PDE4D: variants seen among roughly 807,000 people sequenced by gnomAD.
PDE4D encodes phosphodiesterase 4D.
PDE4D carries 24 observed loss-of-function variants against 87.4 expected under a neutral mutation model. That is an observed-to-expected ratio of 0.27 (90% CI 0.20 to 0.39). PDE4D has a LOEUF of 0.39. Among genes scored for constraint, PDE4D ranks in the 10% least tolerant of loss-of-function variants. The pLI, the probability that PDE4D is intolerant of heterozygous loss-of-function variation, is 1.00. For synonymous variants in PDE4D, 384 were observed against 383.2 expected (o/e 1.00, Z -0.02); for missense variants, 714 against 1,041.0 (o/e 0.69, Z 4.32).
intron 1 of PDE4D, among the ~76,000 whole-genome samples, chr5:60,287,229 G>A (rs1422262492): frequency 6.6e-6 from 1 of 152,180 alleles, no homozygotes; most frequent in Non-Finnish European, 1.5e-5. Context: ...GAAGAGAAAT[G>A]CCTGAATAAC....
chr5:59,401,213 G>A (rs1311143161), intron 1 of PDE4D, among the ~76,000 whole-genome samples: 1 of 152,198 alleles, frequency 6.6e-6, no homozygotes, highest in Non-Finnish European at 1.5e-5. Context: ...GGGTGGCCAA[G>A]GCAGGAGAAT....
intron 1 of PDE4D, among the ~76,000 whole-genome samples, chr5:59,240,211 A>G (rs72765934): frequency 1.2e-4 from 18 of 152,224 alleles, no homozygotes; most frequent in Non-Finnish European, 2.4e-4. Context: ...TTCTGTTATT[A>G]TTTTGACTCT....
At chr5:59,518,163 G>A (rs1282437870) in intron 1 of PDE4D, among the ~76,000 whole-genome samples, 1 of 150,384 alleles carries the variant, frequency 6.6e-6, no homozygotes, top group African/African-American at 2.5e-5. Context: ...CTACCAGATT[G>A]AATAAGTATA....
chr5:59,630,298 C>T (rs1027441982), intron 1 of PDE4D, among the ~76,000 whole-genome samples: 3 of 152,136 alleles, frequency 2.0e-5, no homozygotes, highest in Non-Finnish European at 4.4e-5. Flanking sequence ...CACTACCTTC[C>T]CTTGTATTTT....
intron 1 of PDE4D, among the ~76,000 whole-genome samples, chr5:59,571,500 C>T (rs1459757173): frequency 1.3e-5 from 2 of 152,154 alleles, no homozygotes; most frequent in Non-Finnish European, 1.5e-5. Flanking sequence ...GGGAAAGTGG[C>T]CACAATCTTC....
At chr5:59,066,762 G>A (rs1284482554) in intron 5 of PDE4D, among the ~76,000 whole-genome samples, 4 of 152,064 alleles carry the variant, frequency 2.6e-5, no homozygotes, top group African/African-American at 9.7e-5. Context: ...AGATAATTAG[G>A]TCATGAGAGC....
chr5:60,275,174 G>C (rs553811511), intron 1 of PDE4D, among the ~76,000 whole-genome samples: 1 of 152,218 alleles, frequency 6.6e-6, no homozygotes, highest in South Asian at 2.1e-4. Flanking sequence ...TCGCTGGATG[G>C]GACCCAGGCA....
At chr5:59,607,938 G>C (rs1265257356) in intron 1 of PDE4D, among the ~76,000 whole-genome samples, 1 of 152,096 alleles carries the variant, frequency 6.6e-6, no homozygotes, top group Non-Finnish European at 1.5e-5. Context: ...AGCAGGAGTA[G>C]GTAGGGAAGA....
At chr5:59,863,894 C>G (rs948860181) in intron 1 of PDE4D, among the ~76,000 whole-genome samples, 1 of 152,010 alleles carries the variant, frequency 6.6e-6, no homozygotes, top group Non-Finnish European at 1.5e-5. Flanking sequence ...TTGATGAAAT[C>G]CAAAAGAACT....
intron 5 of PDE4D, among the ~76,000 whole-genome samples, chr5:59,133,523 A>T (rs1776572426): frequency 6.6e-6 from 1 of 152,112 alleles, no homozygotes; most frequent in African/African-American, 2.4e-5. Context: ...GACATTACAA[A>T]AGCTTAATTT....
chr5:59,697,251 C>G (rs1173748840), intron 1 of PDE4D, among the ~76,000 whole-genome samples: 1 of 152,028 alleles, frequency 6.6e-6, no homozygotes, highest in Non-Finnish European at 1.5e-5. Flanking sequence ...ATAGATAGTC[C>G]CTGAATTTAT....
At chr5:59,738,086 T>C (rs1405873546) in intron 1 of PDE4D, among the ~76,000 whole-genome samples, 3 of 152,188 alleles carry the variant, frequency 2.0e-5, no homozygotes, top group African/African-American at 4.8e-5. Flanking sequence ...TTCTATGGCA[T>C]ATTTTGCTTC....
intron 3 of PDE4D, among the ~76,000 whole-genome samples, chr5:59,899,699 A>G (rs1260959507): frequency 1.3e-5 from 2 of 152,140 alleles, no homozygotes; most frequent in African/African-American, 4.8e-5. Context: ...GAGTAATGGT[A>G]GAGTGGCCTG....
chr5:60,312,292 T>C (rs1303602642), intron 1 of PDE4D, among the ~76,000 whole-genome samples: 2 of 152,186 alleles, frequency 1.3e-5, no homozygotes, highest in Admixed American at 1.3e-4. Context: ...AACCACACAA[T>C]GTGTCATAAA....
At chr5:59,285,445 C>T (rs1008674547) in intron 1 of PDE4D, among the ~76,000 whole-genome samples, 1 of 151,722 alleles carries the variant, frequency 6.6e-6, no homozygotes, top group African/African-American at 2.4e-5. Context: ...TTTTCATAAG[C>T]CTCTATCTCT....
At chr5:60,187,702 G>A (rs1054536433) in intron 1 of PDE4D, among the ~76,000 whole-genome samples, 1 of 152,122 alleles carries the variant, frequency 6.6e-6, no homozygotes, top group Non-Finnish European at 1.5e-5. Flanking sequence ...ATTTCAATAG[G>A]CAGAGAGATT....
chr5:60,160,474 A>G (rs756097279), intron 2 of PDE4D, among the ~76,000 whole-genome samples: 1 of 152,172 alleles, frequency 6.6e-6, no homozygotes, highest in Non-Finnish European at 1.5e-5. Context: ...ACTTTTAACT[A>G]TCTCACACAA....
chr5:60,161,371 T>C (rs1184101498), intron 2 of PDE4D, among the ~76,000 whole-genome samples: 1 of 152,250 alleles, frequency 6.6e-6, no homozygotes, highest in East Asian at 1.9e-4. Flanking sequence ...TTCCTCACCA[T>C]CCAGAATTAA....
chr5:59,757,059 A>G (rs1212767191), intron 1 of PDE4D, among the ~76,000 whole-genome samples: 1 of 152,070 alleles, frequency 6.6e-6, no homozygotes, highest in African/African-American at 2.4e-5. Flanking sequence ...CAGCCTCCCA[A>G]AGTGCTGGGA....
Sources: allele counts gnomAD v4.1 joint callset (sites outside exome capture counted in the v4.1 genomes callset), GRCh38; gene constraint gnomAD v4.1.1; transcripts MANE v1.5; gene names NCBI Gene and HGNC (gene_info 2026-07-23, HGNC 2026-07-21).